NDUFAB1: variants seen among roughly 807,000 people sequenced by gnomAD.
NDUFAB1 encodes acyl carrier protein, mitochondrial.
Under a neutral mutation model 16.1 loss-of-function variants are expected in NDUFAB1, and 5 were observed. The observed-to-expected ratio is 0.31, with a 90% CI of 0.16 to 0.65. The LOEUF is 0.65. NDUFAB1 is among the 30% of genes least tolerant of loss of function. NDUFAB1 has a pLI of 0.77. For synonymous variants in NDUFAB1, 85 were observed against 78.4 expected (o/e 1.08, Z -0.44); for missense variants, 187 against 205.3 (o/e 0.91, Z 0.54).
chr16:23,593,839 C>T (rs895959742), intron 1 of NDUFAB1, among the ~76,000 whole-genome samples: 4 of 151,468 alleles, frequency 2.6e-5, no homozygotes, highest in South Asian at 2.1e-4. Flanking sequence ...TAACTACTGC[C>T]TTTTTAACCC....
Position 23,596,245 on chromosome 16 carries a change from C to A in NDUFAB1, c.46G>T (p.Ala16Ser), listed in dbSNP as rs1387910455. The change falls in exon 1 of 5, where the codon GCC (alanine) becomes TCC (serine). Residue 16 changes from alanine to serine, a missense_variant. Coordinates refer to ENST00000007516, the MANE Select transcript of NDUFAB1 (RefSeq NM_005003.3). The stretch of plus-strand genomic sequence containing the variant: ...CGGACCCGGGGCAGCGGCGCAAAGG[C>A]CGCGGGCAGGCGGCTGACATAGGCT... The part of the protein sequence containing the change: ...LSAYVSRLPA[A>S]FAPLPRVRML... 1.9e-6 allele frequency: 3 copies of A among 1,602,774 alleles called. No individual in the cohort carries two copies. The highest frequency in any genetic ancestry group is 2.6e-6 in the Non-Finnish European group (3 of 1,175,870).
intron 1 of NDUFAB1, among the ~76,000 whole-genome samples, chr16:23,590,167 A>G (rs459894): frequency 0.12 from 18,256 of 152,180 alleles, 1,254 homozygotes; most frequent in African/African-American, 0.19. Context: ...CAGCAGCTCC[A>G]GCAAGTACCT....
chr16:23,589,050 C>T (rs1286710615), intron 1 of NDUFAB1, among the ~76,000 whole-genome samples: 1 of 152,074 alleles, frequency 6.6e-6, no homozygotes, highest in East Asian at 1.9e-4. Flanking sequence ...CTGTAATTGC[C>T]ACACTTTGGG....
rs191096784 is a variant in NDUFAB1 at position 23,587,093 on chromosome 16, G to C, written c.291+104C>G. 648 of 1,193,344 alleles carry C rather than the reference G, an allele frequency of 5.4e-4. 17 individuals are homozygous for C. In the East Asian group the frequency reaches 9.9e-3, roughly 18 times the overall value. 73.9% of individuals were successfully genotyped at this position (1,193,344 alleles called of 1,614,324 possible). ...TCTCCCAGAATGGGCCTGGGTGTCT[G>C]GGAGCCAGGGAGATTTTTACTGAGT... On this transcript the variant is annotated intron_variant, in intron 2 of 4. Coordinates refer to ENST00000007516, the MANE Select transcript of NDUFAB1 (RefSeq NM_005003.3).
In NDUFAB1 at chr16:23,585,263, C is replaced by T. The variant is rs534673381; in HGVS notation, c.379+73G>A. The T allele has an allele frequency of 2.0e-5, 22 of 1,093,452 alleles. No individual in the cohort carries two copies. The South Asian group carries it at 2.2e-4, about 11-fold the overall frequency. 67.7% of individuals were successfully genotyped at this position (1,093,452 alleles called of 1,614,324 possible). A position where few individuals can be genotyped will look rare whatever the true frequency, so the allele number is the denominator to read the frequency against. On this transcript the variant is annotated intron_variant, in intron 3 of 4. Coordinates refer to ENST00000007516, the MANE Select transcript of NDUFAB1 (RefSeq NM_005003.3). ...TATTTAATTCTAATTCCAATTCAGA[C>T]GCCCACCACTTCTTTCAGTTTAATC...
intron 1 of NDUFAB1, 59 bp downstream of exon 1, chr16:23,596,064 C>T: frequency 1.3e-6 from 2 of 1,546,654 alleles, no homozygotes; most frequent in Non-Finnish European, 1.7e-6. Context: ...CCGGCCCCCA[C>T]CCCCACCGGG....
rs373080833 is a variant in NDUFAB1 at position 23,596,156 on chromosome 16, G to A, written c.135C>T (p.Leu45=). The A allele has an allele frequency of 4.3e-5, 70 of 1,610,332 alleles. 1 individual carries two copies. The African/African-American group carries it at 6.2e-4, about 14-fold the overall frequency. ...GCACTAAGGCCGGCTGCAAAGTCCCGAGCCTCGTCTGGGTCCCCGCGGAGC... is the reference window on the plus strand; with the variant it reads ...GCACTAAGGCCGGCTGCAAAGTCCCAAGCCTCGTCTGGGTCCCCGCGGAGC... ...ALCSAGTQTR[L]GTLQPALVLA... is the part of the protein sequence containing the mutation. The change falls in exon 1 of 5, where the codon CTC becomes CTT. Residue 45 remains leucine, a synonymous_variant. Transcript: ENST00000007516.
rs1351558085 is a variant in NDUFAB1, at chr16:23,596,014, C to G, written c.168+109G>C. 3 of 1,347,298 alleles carry G rather than the reference C, an allele frequency of 2.2e-6. No individual in the cohort carries two copies. In the East Asian group the frequency reaches 7.9e-5, roughly 35 times the overall value. 83.5% of individuals were successfully genotyped at this position (1,347,298 alleles called of 1,614,324 possible). On this transcript the variant is annotated intron_variant, in intron 1 of 4. Transcript: ENST00000007516. The stretch of plus-strand genomic sequence containing the variant: ...GGGCTGCGGAGCGAGCCGGCTGCCC[C>G]CCGGGTCACCCCTGCCTGCAGCTGG...
At chr16:23,588,033 G>A (rs1178683907) in intron 1 of NDUFAB1, among the ~76,000 whole-genome samples, 2 of 152,232 alleles carry the variant, frequency 1.3e-5, no homozygotes, top group Admixed American at 6.5e-5. Flanking sequence ...TTAGGGTATT[G>A]ACCAGATTTC....
Position 23,585,426 on chromosome 16 carries a change from G to GC in NDUFAB1, c.292-4dup. On this transcript the variant is annotated splice_region_variant and splice_polypyrimidine_tract_variant and intron_variant, in intron 2 of 4. Transcript: ENST00000007516. ...ATAAAATGAGAATTTACTGAAAGCT[G>GC]CAAGAAAGGAGCACCAAACACAAAA... 1 of 1,611,204 alleles carries GC rather than the reference G, an allele frequency of 6.2e-7. No homozygotes were observed. Among genetic ancestry groups the GC allele is most frequent in the Non-Finnish European group, 8.5e-7 (1 of 1,177,398 alleles).
chr16:23,581,468 C>A (rs1966178890), intron 4 of NDUFAB1, among the ~76,000 whole-genome samples: 1 of 151,690 alleles, frequency 6.6e-6, no homozygotes, highest in African/African-American at 2.4e-5. Context: ...ATTGCTTGAA[C>A]CCAGGAGGCG....
At chr16:23,590,728 C>G (rs1567409226) in intron 1 of NDUFAB1, among the ~76,000 whole-genome samples, 1 of 150,006 alleles carries the variant, frequency 6.7e-6, no homozygotes, top group Non-Finnish European at 1.5e-5. Flanking sequence ...CTTCTGCCTC[C>G]CAGGTTCAAG....
intron 2 of NDUFAB1, among the ~76,000 whole-genome samples, chr16:23,586,625 G>A (rs1043354183): frequency 1.3e-5 from 2 of 151,754 alleles, no homozygotes; most frequent in African/African-American, 2.4e-5. Context: ...GAGCTACCAC[G>A]CCCGGCCCCA....
Position 23,596,144 on chromosome 16 carries a change from C to A in NDUFAB1, c.147G>T (p.Gln49His). Residue 49 changes from glutamine to histidine, a missense_variant, in exon 1 of 5, where the codon CAG (glutamine) becomes CAT (histidine). Physicochemically the swap from Gln to His is conservative, Grantham distance 24 (BLOSUM62 0). Coordinates refer to ENST00000007516, the MANE Select transcript of NDUFAB1 (RefSeq NM_005003.3). ...TCACCTGCGCGAGCACTAAGGCCGG[C>A]TGCAAAGTCCCGAGCCTCGTCTGGG... is the stretch of plus-strand genomic sequence containing the variant. The part of the protein sequence containing the change: ...AGTQTRLGTL[Q>H]PALVLAQVPG... 6.2e-7 allele frequency: 1 copy of A among 1,608,988 alleles called. No individual in the cohort carries two copies. Among genetic ancestry groups the A allele is most frequent in the Non-Finnish European group, 8.5e-7 (1 of 1,178,122 alleles).
chr16:23,586,111 AG>A (rs1180088389), intron 2 of NDUFAB1, among the ~76,000 whole-genome samples: 1 of 151,820 alleles, frequency 6.6e-6, no homozygotes, highest in Non-Finnish European at 1.5e-5. Flanking sequence ...TATTTTTAGT[AG>A]AGACGGGGTT....
intron 1 of NDUFAB1, among the ~76,000 whole-genome samples, chr16:23,587,987 C>G (rs763245758): frequency 1.6e-4 from 25 of 152,254 alleles, no homozygotes; most frequent in Non-Finnish European, 2.6e-4. Context: ...CAATACCTCA[C>G]GTATCTCTGG....
chr16:23,595,913 G>C (rs1485751472), intron 1 of NDUFAB1, among the ~76,000 whole-genome samples: 3 of 152,240 alleles, frequency 2.0e-5, no homozygotes, highest in African/African-American at 4.8e-5. Context: ...TGCTGGACTC[G>C]AGTCAGTGCT....
In NDUFAB1 at chr16:23,594,401, G is replaced by A. The variant is rs548222760; in HGVS notation, c.168+1722C>T. Among the ~76,000 whole-genome samples, 6 of 152,244 alleles carry A rather than the reference G, an allele frequency of 3.9e-5. No individual in the cohort carries two copies. The East Asian group carries it at 9.7e-4, about 25-fold the overall frequency. On this transcript the variant is annotated intron_variant, in intron 1 of 4. Coordinates refer to ENST00000007516, the MANE Select transcript of NDUFAB1 (RefSeq NM_005003.3). ...TTTAAGACGGTCTGCCTCCCAGACTGGAGTGCAGTGGCATCATCTCAGCTC... is the reference window on the plus strand; with the variant it reads ...TTTAAGACGGTCTGCCTCCCAGACTAGAGTGCAGTGGCATCATCTCAGCTC...
rs528854636 is a variant in NDUFAB1, at chr16:23,589,583, C to T, written c.169-2264G>A. On this transcript the variant is annotated intron_variant, in intron 1 of 4. Transcript: ENST00000007516. ...GGGGAGAAGAAATGAGGTAATATGG[C>T]AATGGCAGAAAAGAAATTTCAGTTG... Among the ~76,000 whole-genome samples the T allele has an allele frequency of 7.2e-4, 109 of 152,198 alleles. 1 individual carries two copies. The highest frequency in any genetic ancestry group is 2.6e-3 in the African/African-American group (106 of 41,528).
Sources: allele counts gnomAD v4.1 joint callset (sites outside exome capture counted in the v4.1 genomes callset), GRCh38; gene constraint gnomAD v4.1.1; transcripts MANE v1.5; gene names NCBI Gene and HGNC (gene_info 2026-07-23, HGNC 2026-07-21).